The following PCDH9 variants were observed in gnomAD, a reference collection of about 807,000 sequenced individuals.
PCDH9 encodes the protein protocadherin 9, also known as protocadherin-9.
Under a neutral mutation model 70.6 loss-of-function variants are expected in PCDH9, and 24 were observed. That is an observed-to-expected ratio of 0.34 (90% CI 0.25 to 0.48). The LOEUF is 0.48. PCDH9 is among the 20% of genes least tolerant of loss of function. PCDH9 has a pLI of 0.99. For missense variants in PCDH9, 1,281 were observed against 1,503.6 expected (o/e 0.85, Z 2.45); for synonymous variants, 562 against 558.5 (o/e 1.01, Z -0.09).
intron 2 of PCDH9, among the ~76,000 whole-genome samples, chr13:66,938,209 T>A (rs1397029999): frequency 6.6e-6 from 1 of 152,156 alleles, no homozygotes; most frequent in African/African-American, 2.4e-5. Context: ...ACATAATTGG[T>A]TATCATTAGG....
chr13:66,886,255 A>G (rs1159460569), intron 3 of PCDH9, among the ~76,000 whole-genome samples: 1 of 152,160 alleles, frequency 6.6e-6, no homozygotes, highest in Non-Finnish European at 1.5e-5. Flanking sequence ...AATTTCCAAA[A>G]GGTTTAGCTC....
chr13:66,788,507 G>A (rs995136654), intron 3 of PCDH9, among the ~76,000 whole-genome samples: 3 of 151,942 alleles, frequency 2.0e-5, no homozygotes, highest in Non-Finnish European at 2.9e-5. Context: ...GGCATTTATC[G>A]TGACGTCCAG....
chr13:66,558,225 A>G (rs1961828591), intron 4 of PCDH9, among the ~76,000 whole-genome samples: 1 of 152,196 alleles, frequency 6.6e-6, no homozygotes, highest in African/African-American at 2.4e-5. Context: ...ATTACATTAA[A>G]TACTAAAATG....
intron 3 of PCDH9, among the ~76,000 whole-genome samples, chr13:66,872,109 G>A (rs1408748565): frequency 6.6e-6 from 1 of 152,058 alleles, no homozygotes; most frequent in Non-Finnish European, 1.5e-5. Flanking sequence ...CCCCATAAAG[G>A]ACATATGACT....
At chr13:66,654,460 A>G (rs748010482) in intron 3 of PCDH9, among the ~76,000 whole-genome samples, 1 of 152,176 alleles carries the variant, frequency 6.6e-6, no homozygotes, top group Admixed American at 6.5e-5. Context: ...TAGAATTACT[A>G]TAAGAGTATA....
At chr13:66,787,548 G>T (rs1279190999) in intron 3 of PCDH9, among the ~76,000 whole-genome samples, 1 of 151,892 alleles carries the variant, frequency 6.6e-6, no homozygotes, top group Non-Finnish European at 1.5e-5. Context: ...CCCAGAGGAC[G>T]GAGGCTGCAG....
chr13:66,800,825 C>T (rs2080314936), intron 3 of PCDH9, among the ~76,000 whole-genome samples: 1 of 151,966 alleles, frequency 6.6e-6, no homozygotes, highest in Admixed American at 6.6e-5. Flanking sequence ...ATTTTCCTCA[C>T]TTAAAAAGAG....
At chr13:66,644,180 T>C (rs1417333981) in intron 3 of PCDH9, among the ~76,000 whole-genome samples, 1 of 151,802 alleles carries the variant, frequency 6.6e-6, no homozygotes, top group Non-Finnish European at 1.5e-5. Flanking sequence ...TTAAACAAAA[T>C]GGAGGATAAA....
rs141682696 is a variant in PCDH9 at position 66,423,680 on chromosome 13, A to C, written c.3341-118652T>G. 1.5e-3 allele frequency among the ~76,000 whole-genome samples: 228 copies of C among 152,282 alleles called. 2 individuals carry two copies. Among genetic ancestry groups the C allele is most frequent in the East Asian group, 4.8e-3 (25 of 5,188 alleles). ...CTAGGTATTGAGGGAACATATCTCAAAACAATAAGAGCTGTTTATGACAAA... is the reference window on the plus strand; with the variant it reads ...CTAGGTATTGAGGGAACATATCTCACAACAATAAGAGCTGTTTATGACAAA... On this transcript the variant is annotated intron_variant, in intron 4 of 4. Transcript: ENST00000377865.
At chr13:66,853,744 C>T (rs2081351642) in intron 3 of PCDH9, among the ~76,000 whole-genome samples, 1 of 143,444 alleles carries the variant, frequency 7.0e-6, no homozygotes, top group South Asian at 2.3e-4. Flanking sequence ...AAATCATTTC[C>T]TTTTTTTTTT....
At chr13:66,884,043 C>T (rs1320254539) in intron 3 of PCDH9, among the ~76,000 whole-genome samples, 1 of 151,778 alleles carries the variant, frequency 6.6e-6, no homozygotes, top group East Asian at 1.9e-4. Context: ...GCTGGCACTA[C>T]AGGCACACAC....
rs1186190387 is a variant in PCDH9, at chr13:66,849,515, TATAG to T, written c.3138+53985_3138+53988del. On this transcript the variant is annotated intron_variant, in intron 3 of 4. Coordinates refer to ENST00000377865, the MANE Select transcript of PCDH9 (RefSeq NM_203487.3). ...ATATATATATATATATATATATATA[TATAG>T]AGAGAGAGAGAGAGAGAGAGAGAGA... Among the ~76,000 whole-genome samples, 121 of 72,510 alleles carry T rather than the reference TATAG, an allele frequency of 1.7e-3. 1 individual carries two copies. Among genetic ancestry groups the T allele is most frequent in the African/African-American group, 7.0e-3 (106 of 15,204 alleles). 47.6% of individuals were successfully genotyped at this position (72,510 alleles called of 152,430 possible). A position where few individuals can be genotyped will look rare whatever the true frequency, so the allele number is the denominator to read the frequency against.
intron 4 of PCDH9, among the ~76,000 whole-genome samples, chr13:66,609,081 G>C (rs1295893227): frequency 6.6e-6 from 1 of 152,100 alleles, no homozygotes; most frequent in Non-Finnish European, 1.5e-5. Flanking sequence ...TCATATTGTA[G>C]CATGTAATGC....
At chr13:67,086,608 T>G (rs1001665734) in intron 2 of PCDH9, among the ~76,000 whole-genome samples, 1 of 152,070 alleles carries the variant, frequency 6.6e-6, no homozygotes, top group African/African-American at 2.4e-5. Flanking sequence ...GTAACAGAGT[T>G]AAGAAAGAAA....
At chr13:66,965,349 T>C (rs961399093) in intron 2 of PCDH9, among the ~76,000 whole-genome samples, 2 of 152,134 alleles carry the variant, frequency 1.3e-5, no homozygotes, top group Non-Finnish European at 2.9e-5. Flanking sequence ...CATTTCAACA[T>C]CTGTTCTCAT....
At chr13:66,980,730 G>GTTTTTTTTGTT (rs2083730608) in intron 2 of PCDH9, among the ~76,000 whole-genome samples, 3 of 70,864 alleles carry the variant, frequency 4.2e-5, no homozygotes, top group South Asian at 5.9e-4. Flanking sequence ...TTTTTTCTTT[G>GTTTTTTTTGTT]TTTTTTTTTT....
At chr13:67,142,372 C>G (rs942621245) in intron 2 of PCDH9, among the ~76,000 whole-genome samples, 1 of 152,064 alleles carries the variant, frequency 6.6e-6, no homozygotes, top group African/African-American at 2.4e-5. Flanking sequence ...CAAACTGACT[C>G]TATATAAAAA....
At chr13:67,133,703 G>T (rs1017039714) in intron 2 of PCDH9, among the ~76,000 whole-genome samples, 2 of 152,058 alleles carry the variant, frequency 1.3e-5, no homozygotes, top group African/African-American at 4.8e-5. Context: ...TTATCTAAAT[G>T]ACTGCATTGC....
chr13:66,522,263 C>G (rs919587523), intron 4 of PCDH9, among the ~76,000 whole-genome samples: 1 of 151,606 alleles, frequency 6.6e-6, no homozygotes, highest in Admixed American at 6.6e-5. Context: ...TAAAATAATA[C>G]ATGACTGGGA....
Sources: allele counts gnomAD v4.1 joint callset (sites outside exome capture counted in the v4.1 genomes callset), GRCh38; gene constraint gnomAD v4.1.1; transcripts MANE v1.5; gene names NCBI Gene and HGNC (gene_info 2026-07-23, HGNC 2026-07-21).